TANC1: variants seen among roughly 807,000 people sequenced by gnomAD.
TANC1 encodes the protein protein TANC1.
A neutral mutation model predicts 149.7 loss-of-function variants in TANC1; 77 were observed. The ratio of observed to expected loss-of-function variants is 0.51; its 90% CI spans 0.43 to 0.62. The LOEUF is 0.62. Ranked by LOEUF, TANC1 falls within the 20% of genes least tolerant of loss-of-function variation. The pLI, the probability that TANC1 is intolerant of heterozygous loss-of-function variation, is 0.00. For synonymous variants in TANC1, 854 were observed against 925.0 expected (o/e 0.92, Z 1.39); for missense variants, 1,985 against 2,321.8 (o/e 0.85, Z 2.98).
intron 14 of TANC1, among the ~76,000 whole-genome samples, chr2:159,179,959 A>C (rs2150551809): frequency 6.6e-6 from 1 of 152,292 alleles, no homozygotes; most frequent in African/African-American, 2.4e-5. Flanking sequence ...GCTATCTGTG[A>C]GCCAGAATTG....
At chr2:159,125,694 A>G (rs558289250) in intron 4 of TANC1, among the ~76,000 whole-genome samples, 37 of 151,080 alleles carry the variant, frequency 2.4e-4, no homozygotes, top group Non-Finnish European at 4.7e-4. Context: ...GGTTCAAGCA[A>G]TTCTCCTGCC....
At chr2:159,010,658 T>G (rs1431302330) in intron 2 of TANC1, among the ~76,000 whole-genome samples, 1 of 131,882 alleles carries the variant, frequency 7.6e-6, no homozygotes, top group East Asian at 2.6e-4. Flanking sequence ...CAAATCCTAT[T>G]TCAAGGATGT....
At chr2:159,007,698 G>A (rs2037352566) in intron 2 of TANC1, among the ~76,000 whole-genome samples, 1 of 152,224 alleles carries the variant, frequency 6.6e-6, no homozygotes, top group Admixed American at 6.5e-5. Flanking sequence ...GATAAGTGAT[G>A]CGTAACTGTA....
chr2:159,116,499 A>C (rs1423580985), intron 4 of TANC1, among the ~76,000 whole-genome samples: 10 of 151,988 alleles, frequency 6.6e-5, no homozygotes, highest in Admixed American at 5.2e-4. Flanking sequence ...GAAATATGGC[A>C]ATTGATGACC....
intron 5 of TANC1, among the ~76,000 whole-genome samples, chr2:159,142,756 G>A (rs1288969302): frequency 6.6e-6 from 1 of 151,566 alleles, no homozygotes; most frequent in African/African-American, 2.4e-5. Context: ...AAATTAGCCT[G>A]GCACTTCAAT....
At chr2:159,082,970 G>A (rs987567900) in intron 3 of TANC1, among the ~76,000 whole-genome samples, 1 of 152,158 alleles carries the variant, frequency 6.6e-6, no homozygotes, top group East Asian at 1.9e-4. Context: ...ATTTAAGACA[G>A]AGTCTTGCTT....
intron 2 of TANC1, among the ~76,000 whole-genome samples, chr2:159,028,230 C>T (rs2039504953): frequency 6.6e-6 from 1 of 151,808 alleles, no homozygotes; most frequent in Non-Finnish European, 1.5e-5. Context: ...CAGGGATTCT[C>T]CTGCCTTAGC....
intron 24 of TANC1, 186 bp from the exon 25 acceptor site, chr2:159,227,633 A>C: frequency 1.6e-6 from 1 of 613,376 alleles, no homozygotes; most frequent in Non-Finnish European, 2.8e-6. Context: ...ATGTGAGGAC[A>C]GTGAAGCCCT....
chr2:158,978,305 A>G (rs1401696850), intron 1 of TANC1, among the ~76,000 whole-genome samples: 3 of 152,114 alleles, frequency 2.0e-5, no homozygotes, highest in Non-Finnish European at 1.5e-5. Context: ...CTCCATGTAC[A>G]TGAAAGGAGA....
In TANC1 at chr2:159,148,964, G is replaced by A. The variant is rs577204781; in HGVS notation, c.365-178G>A. The A allele has an allele frequency of 1.7e-5, 11 of 649,924 alleles. No individual in the cohort carries two copies. The South Asian group carries it at 3.1e-4, about 18-fold the overall frequency. The allele number at this position is 649,924 out of a possible 1,614,324, so 40.3% of individuals were successfully genotyped here. On this transcript the variant is annotated intron_variant, in intron 5 of 26. Transcript: ENST00000263635. ...TTTTGTTTTACTGTTTCCTTAACCT[G>A]TCACAGTCCCTTAATTAGAATGTAT...
chr2:159,184,396 G>A (rs1283106580), intron 14 of TANC1, among the ~76,000 whole-genome samples: 1 of 152,186 alleles, frequency 6.6e-6, no homozygotes, highest in Non-Finnish European at 1.5e-5. Context: ...TCCTCAGAGA[G>A]GTGGGATGCC....
intron 2 of TANC1, among the ~76,000 whole-genome samples, chr2:159,043,980 C>G (rs1325634194): frequency 6.6e-6 from 1 of 152,160 alleles, no homozygotes; most frequent in Non-Finnish European, 1.5e-5. Context: ...CTTGCCCGTT[C>G]TACAGACTGT....
intron 1 of TANC1, among the ~76,000 whole-genome samples, chr2:158,985,036 C>T (rs898339049): frequency 1.1e-4 from 16 of 152,036 alleles, no homozygotes; most frequent in African/African-American, 3.4e-4. Flanking sequence ...GCTTTGGCAG[C>T]GGTGGTGTGG....
chr2:159,041,063 AC>A (rs1324983152), intron 2 of TANC1, among the ~76,000 whole-genome samples: 2 of 152,096 alleles, frequency 1.3e-5, no homozygotes, highest in Non-Finnish European at 2.9e-5. Context: ...TTCACTACAG[AC>A]CCTGTTTGCC....
chr2:159,150,233 C>T (rs2052628428), intron 6 of TANC1, 137 bp from the exon 7 acceptor site: 2 of 656,350 alleles, frequency 3.0e-6, no homozygotes, highest in Non-Finnish European at 2.6e-6. Context: ...TATCTATACA[C>T]ACATATCTCT....
chr2:159,092,060 C>G (rs1467907747), intron 3 of TANC1, among the ~76,000 whole-genome samples: 2 of 152,008 alleles, frequency 1.3e-5, no homozygotes, highest in Non-Finnish European at 1.5e-5. Flanking sequence ...CAAAAGGTGC[C>G]CTAACACATT....
chr2:159,223,540 T>C (rs1190586224), intron 22 of TANC1, among the ~76,000 whole-genome samples: 2 of 152,198 alleles, frequency 1.3e-5, no homozygotes, highest in African/African-American at 4.8e-5. Context: ...TAGATTCACA[T>C]GAAAATCTAA....
At chr2:159,172,068 C>CCA (rs2055316489) in intron 10 of TANC1, 53 bp from the exon 11 acceptor site, 1 of 1,553,630 alleles carries the variant, frequency 6.4e-7, no homozygotes, top group Non-Finnish European at 8.8e-7. Flanking sequence ...ATATTCAATA[C>CCA]CACACCCTGC....
chr2:159,157,111 G>A (rs918644633), intron 7 of TANC1, among the ~76,000 whole-genome samples: 7 of 152,242 alleles, frequency 4.6e-5, no homozygotes, highest in Admixed American at 3.3e-4. Flanking sequence ...GCCCTGTGGC[G>A]CATTGGATGG....
Sources: gnomAD v4.1 joint callset for allele counts (sites outside exome capture counted in the v4.1 genomes callset) on GRCh38, gnomAD v4.1.1 for gene constraint, MANE v1.5 for transcripts, NCBI Gene and HGNC (gene_info 2026-07-23, HGNC 2026-07-21) for gene names.